Variants in CYP39A1 observed in about 807,000 individuals in gnomAD.
CYP39A1 encodes 24-hydroxycholesterol 7-alpha-hydroxylase.
Under a neutral mutation model 58.1 loss-of-function variants are expected in CYP39A1, and 49 were observed. The observed-to-expected ratio is 0.84, with a 90% CI of 0.67 to 1.07. CYP39A1 has a LOEUF of 1.07. CYP39A1 is among the 50% of genes least tolerant of loss of function. The pLI, the probability that CYP39A1 is intolerant of heterozygous loss-of-function variation, is 0.00. For synonymous variants in CYP39A1, 209 were observed against 187.6 expected (o/e 1.11, Z -0.93); for missense variants, 531 against 539.4 (o/e 0.98, Z 0.16).
At chr6:46,564,288 T>C (rs1582298897) in intron 10 of CYP39A1, among the ~76,000 whole-genome samples, 1 of 150,918 alleles carries the variant, frequency 6.6e-6, no homozygotes, top group African/African-American at 2.4e-5. Context: ...GCCTCAGGGG[T>C]TCAAGCTATT....
intron 7 of CYP39A1, among the ~76,000 whole-genome samples, chr6:46,620,684 C>T (rs2223754): frequency 0.19 from 29,027 of 151,972 alleles, 2,980 homozygotes; most frequent in African/African-American, 0.27. Context: ...AGGTAGAAAG[C>T]GAAAGCTAAG....
chr6:46,608,120 T>A (rs996767257), intron 7 of CYP39A1, among the ~76,000 whole-genome samples: 1 of 152,238 alleles, frequency 6.6e-6, no homozygotes, highest in East Asian at 1.9e-4. Context: ...AATTTTACAA[T>A]AGTAATATCT....
intron 6 of CYP39A1, among the ~76,000 whole-genome samples, chr6:46,628,752 T>C (rs1775473281): frequency 6.6e-6 from 1 of 152,128 alleles, no homozygotes; most frequent in South Asian, 2.1e-4. Context: ...TAAAGGTCAC[T>C]AAAGCAGAAT....
chr6:46,606,957 G>A (rs909636070), intron 7 of CYP39A1, among the ~76,000 whole-genome samples: 4 of 152,120 alleles, frequency 2.6e-5, no homozygotes, highest in African/African-American at 9.7e-5. Flanking sequence ...CCCATCTAAT[G>A]TCACAAATAT....
intron 10 of CYP39A1, among the ~76,000 whole-genome samples, chr6:46,564,223 C>G (rs806494): frequency 0.16 from 22,728 of 139,692 alleles, 4,666 homozygotes; most frequent in African/African-American, 0.46. Context: ...ACAGAGTCTC[C>G]CTCTGTTGCC....
intron 10 of CYP39A1, among the ~76,000 whole-genome samples, chr6:46,579,537 G>A (rs1772009737): frequency 6.6e-6 from 1 of 151,996 alleles, no homozygotes; most frequent in Non-Finnish European, 1.5e-5. Flanking sequence ...AGAAATAAAA[G>A]GCATCCAAAT....
intron 5 of CYP39A1, among the ~76,000 whole-genome samples, 159 bp downstream of exon 5, chr6:46,636,230 A>G (rs984250041): frequency 6.6e-6 from 1 of 152,130 alleles, no homozygotes; most frequent in Non-Finnish European, 1.5e-5. Context: ...GGTTGTTGTG[A>G]TGATGTAACA....
intron 7 of CYP39A1, among the ~76,000 whole-genome samples, chr6:46,620,323 G>C (rs1774875149): frequency 6.6e-6 from 1 of 152,104 alleles, no homozygotes; most frequent in Non-Finnish European, 1.5e-5. Flanking sequence ...GACAAGTTTG[G>C]CAGTTTCCTA....
chr6:46,558,840 A>G (rs1250114680), intron 10 of CYP39A1, among the ~76,000 whole-genome samples: 1 of 152,038 alleles, frequency 6.6e-6, no homozygotes, highest in East Asian at 1.9e-4. Context: ...TACTAAAAAT[A>G]GAAAAATTAG....
At chr6:46,567,016 T>C (rs1162582365) in intron 10 of CYP39A1, among the ~76,000 whole-genome samples, 1 of 152,114 alleles carries the variant, frequency 6.6e-6, no homozygotes, top group Non-Finnish European at 1.5e-5. Context: ...ATTTAAGATC[T>C]GTTCTCTTAG....
At position 46,553,809 on chromosome 6, in the gene CYP39A1, A is replaced by G. The variant is rs1308953565; in HGVS notation, c.1296T>C (p.Leu432=). Residue 432 remains leucine (L), a synonymous_variant, in exon 11 of 12, where the codon CTT becomes CTC. Transcript: ENST00000275016. ...LEVQMCIILI[L]YKYDCSLLDP... ...CCAGAAGACTACAGTCATATTTATA[A>G]AGTATTAAAATAATACACATCTGAA... 6 of 1,611,184 alleles carry G rather than the reference A, an allele frequency of 3.7e-6. No individual in the cohort carries two copies. The highest frequency in any genetic ancestry group is 5.1e-6 in the Non-Finnish European group (6 of 1,178,434).
chr6:46,648,661 A>G (rs1762481856), intron 1 of CYP39A1, among the ~76,000 whole-genome samples: 1 of 152,146 alleles, frequency 6.6e-6, no homozygotes, highest in Non-Finnish European at 1.5e-5. Context: ...TAGAACTTAA[A>G]GTATAATAAT....
chr6:46,613,172 T>C (rs1016463987), intron 7 of CYP39A1, among the ~76,000 whole-genome samples: 3 of 152,256 alleles, frequency 2.0e-5, no homozygotes, highest in African/African-American at 7.2e-5. Flanking sequence ...TTTGTATTTA[T>C]GAGAAGAGTC....
At position 46,639,511 on chromosome 6, in the gene CYP39A1, G is replaced by T. The variant is rs1180775039; in HGVS notation, c.471C>A (p.Asp157Glu). Residue 157 changes from aspartate to glutamate, a missense_variant, in exon 3 of 12, where the codon GAC becomes GAA. By Grantham distance (45) the Asp-to-Glu change is conservative (BLOSUM62 2). Coordinates refer to ENST00000275016, the MANE Select transcript of CYP39A1 (RefSeq NM_016593.5). ...CTATTTACCTTACTAAGTTGTTCAGGTCCATTGTCCCATGAGTGCCTAAAT... is the reference window on the plus strand; with the variant it reads ...CTATTTACCTTACTAAGTTGTTCAGTTCCATTGTCCCATGAGTGCCTAAAT... The part of the protein sequence containing the change: ...LENLGTHGTM[D>E]LNNLVRHLLY... 6.2e-7 allele frequency: 1 copy of T among 1,613,806 alleles called. No homozygotes were observed. The highest frequency in any genetic ancestry group is 1.3e-5 in the African/African-American group (1 of 74,846).
intron 10 of CYP39A1, among the ~76,000 whole-genome samples, chr6:46,565,637 A>C (rs1199066572): frequency 6.6e-6 from 1 of 152,212 alleles, no homozygotes; most frequent in African/African-American, 2.4e-5. Context: ...AGGTCATGTA[A>C]CCAGGGCATG....
chr6:46,624,982 G>C (rs1321967291), intron 7 of CYP39A1, among the ~76,000 whole-genome samples: 6 of 151,872 alleles, frequency 4.0e-5, no homozygotes, highest in Non-Finnish European at 8.8e-5. Flanking sequence ...TAATCCTTTG[G>C]TAGCAAGCCT....
At chr6:46,592,429 CAT>C (rs1772894898) in intron 8 of CYP39A1, among the ~76,000 whole-genome samples, 1 of 152,012 alleles carries the variant, frequency 6.6e-6, no homozygotes, top group African/African-American at 2.4e-5. Context: ...TTTTTGAAAA[CAT>C]ATGAATCTTG....
chr6:46,590,575 A>G (rs1772771268), intron 8 of CYP39A1, among the ~76,000 whole-genome samples: 1 of 152,200 alleles, frequency 6.6e-6, no homozygotes, highest in African/African-American at 2.4e-5. Flanking sequence ...TATTTTTTAA[A>G]TTAAAGAGTA....
chr6:46,595,204 T>A (rs1773076344), intron 8 of CYP39A1, among the ~76,000 whole-genome samples: 1 of 151,962 alleles, frequency 6.6e-6, no homozygotes, highest in East Asian at 1.9e-4. Flanking sequence ...TTGCACACTA[T>A]CGGTGGGAAT....
Sources: allele counts gnomAD v4.1 joint callset (sites outside exome capture counted in the v4.1 genomes callset), GRCh38; gene constraint gnomAD v4.1.1; transcripts MANE v1.5; gene names NCBI Gene and HGNC (gene_info 2026-07-23, HGNC 2026-07-21).